Variants in TRIM33 observed in about 807,000 individuals in gnomAD.
TRIM33 encodes the protein tripartite motif containing 33.
Under a neutral mutation model 125.4 loss-of-function variants are expected in TRIM33, and 20 were observed. The observed-to-expected ratio is 0.16, with a 90% CI of 0.11 to 0.23. TRIM33 has a LOEUF of 0.23. Among genes scored for constraint, TRIM33 ranks in the 10% least tolerant of loss-of-function variants. TRIM33 has a pLI of 1.00. For synonymous variants in TRIM33, 564 were observed against 513.9 expected, an observed-to-expected ratio of 1.10 and a Z score of -1.32; for missense variants, 920 against 1,411.4, an observed-to-expected ratio of 0.65 and a Z score of 5.58.
rs377619646 is a variant in TRIM33, at chr1:114,462,437, T to C, written c.923+667A>G. On this transcript the variant is annotated intron_variant, in intron 4 of 19. Coordinates refer to ENST00000358465, the MANE Select transcript of TRIM33 (RefSeq NM_015906.4). ...CCCATCCAGCCATAAAAACTGTTGT[T>C]TGAAAAACACTTTGGAAAATTCTGG... Among the ~76,000 whole-genome samples, 6 of 152,324 alleles carry C rather than the reference T, an allele frequency of 3.9e-5. 1 individual carries two copies. Among genetic ancestry groups the C allele is most frequent in the African/African-American group, 1.4e-4 (6 of 41,576 alleles).
chr1:114,489,332 T>A (rs745405446), intron 1 of TRIM33, among the ~76,000 whole-genome samples: 4 of 152,172 alleles, frequency 2.6e-5, no homozygotes, highest in Non-Finnish European at 5.9e-5. Flanking sequence ...CCTAAAACTG[T>A]AAAGCTCTTA....
chr1:114,418,501 G>A (rs1653074055), intron 11 of TRIM33, among the ~76,000 whole-genome samples: 1 of 152,026 alleles, frequency 6.6e-6, no homozygotes, highest in East Asian at 1.9e-4. Flanking sequence ...TTAGTTTATG[G>A]TTTACATAAT....
intron 1 of TRIM33, among the ~76,000 whole-genome samples, chr1:114,478,992 T>G (rs1262220905): frequency 6.6e-6 from 1 of 152,208 alleles, no homozygotes; most frequent in African/African-American, 2.4e-5. Context: ...AGGTTTGCAG[T>G]GAGCCAAGGT....
intron 18 of TRIM33, 34 bp downstream of exon 18, chr1:114,399,423 A>G: frequency 6.4e-7 from 1 of 1,555,898 alleles, no homozygotes. Flanking sequence ...AAAAACTAAC[A>G]AATCAAGACT....
intron 5 of TRIM33, among the ~76,000 whole-genome samples, chr1:114,431,438 A>G (rs932057300): frequency 1.3e-5 from 2 of 152,226 alleles, no homozygotes; most frequent in Admixed American, 6.5e-5. Context: ...TGTATACAGT[A>G]AAGGGCATAA....
rs1483573367 is a variant in TRIM33 at position 114,397,353 on chromosome 1, G to C, written c.*295C>G. The stretch of plus-strand genomic sequence containing the variant: ...CAATAGCACACAATCATCAATATTT[G>C]CCATTTCTAACAATCAGAGAATCAT... On this transcript the variant is annotated 3_prime_UTR_variant, in exon 20 of 20. Transcript: ENST00000358465. 2.3e-6 allele frequency: 1 copy of C among 426,460 alleles called. No individual in the cohort carries two copies. The highest frequency in any genetic ancestry group is 4.0e-5 in the Admixed American group (1 of 24,750). The allele number at this position is 426,460 out of a possible 1,614,324, so 26.4% of individuals were successfully genotyped here.
At chr1:114,436,882 T>C (rs1572053953) in intron 4 of TRIM33, among the ~76,000 whole-genome samples, 1 of 152,320 alleles carries the variant, frequency 6.6e-6, no homozygotes, top group East Asian at 1.9e-4. Flanking sequence ...ATAAAAACTA[T>C]TACTATGTTA....
intron 4 of TRIM33, among the ~76,000 whole-genome samples, chr1:114,435,877 CTTTTTTTT>C (rs34327766): frequency 7.2e-4 from 53 of 73,336 alleles, no homozygotes; most frequent in African/African-American, 2.7e-3. Context: ...TAGACACCCG[CTTTTTTTT>C]TTTTTTTTTT....
intron 6 of TRIM33, among the ~76,000 whole-genome samples, 173 bp downstream of exon 6, chr1:114,430,625 C>A (rs561290632): frequency 1.7e-4 from 26 of 152,286 alleles, no homozygotes; most frequent in Middle Eastern, 3.4e-3. Context: ...AATTGGGCCG[C>A]AAAGTAACTA....
At chr1:114,407,219 G>A (rs2101100601) in intron 13 of TRIM33, 119 bp from the exon 14 acceptor site, 2 of 824,266 alleles carry the variant, frequency 2.4e-6, no homozygotes, top group South Asian at 3.9e-5. Context: ...CTTTACAGAA[G>A]ATAAGGATAC....
intron 10 of TRIM33, 110 bp from the exon 11 acceptor site, chr1:114,421,746 G>T: frequency 9.5e-7 from 1 of 1,049,202 alleles, no homozygotes; most frequent in African/African-American, 1.6e-5. Context: ...CAAAGAAGTG[G>T]GCCCTTTCAA....
intron 1 of TRIM33, among the ~76,000 whole-genome samples, chr1:114,471,777 T>G: frequency 6.6e-6 from 1 of 152,174 alleles, no homozygotes; most frequent in East Asian, 1.9e-4. Flanking sequence ...TCAAAACAAA[T>G]TATGCAATTT....
chr1:114,502,038 A>G (rs569763855), intron 1 of TRIM33, among the ~76,000 whole-genome samples: 20 of 152,334 alleles, frequency 1.3e-4, no homozygotes, highest in Non-Finnish European at 2.5e-4. Flanking sequence ...CCTGAGCCCA[A>G]TCTCTGAAGT....
intron 4 of TRIM33, among the ~76,000 whole-genome samples, chr1:114,449,597 A>G (rs2101295887): frequency 6.6e-6 from 1 of 152,308 alleles, no homozygotes; most frequent in Non-Finnish European, 1.5e-5. Context: ...TGGAAAAGAA[A>G]TTCTAGTTTC....
At chr1:114,477,105 T>A (rs933747271) in intron 1 of TRIM33, among the ~76,000 whole-genome samples, 2 of 152,170 alleles carry the variant, frequency 1.3e-5, no homozygotes, top group Admixed American at 1.3e-4. Flanking sequence ...AAGAATATTA[T>A]GATCAGTAAG....
intron 1 of TRIM33, among the ~76,000 whole-genome samples, chr1:114,510,112 G>A (rs1394287676): frequency 6.6e-6 from 1 of 151,788 alleles, no homozygotes; most frequent in East Asian, 1.9e-4. Context: ...CTGTGAACAC[G>A]CCAAGTCCCC....
intron 4 of TRIM33, among the ~76,000 whole-genome samples, chr1:114,461,313 T>TTA (rs1553216123): frequency 6.8e-5 from 10 of 146,698 alleles, no homozygotes; most frequent in South Asian, 2.1e-4. Context: ...ATTTTATATT[T>TTA]TATATATATA....
chr1:114,448,154 A>T lies in TRIM33; in HGVS notation c.924-14421T>A, dbSNP rs1199194930. 1.3e-5 allele frequency among the ~76,000 whole-genome samples: 2 copies of T among 152,258 alleles called. 1 individual carries two copies. Among genetic ancestry groups the T allele is most frequent in the African/African-American group, 4.8e-5 (2 of 41,470 alleles). On this transcript the variant is annotated intron_variant, in intron 4 of 19. Transcript: ENST00000358465. ...TAGCAGAAAGAAGGGCAAATTTCTG[A>T]AACAATGTCATTGGCTACATGAGAG...
chr1:114,485,241 G>A (rs529227043), intron 1 of TRIM33, among the ~76,000 whole-genome samples: 26 of 151,710 alleles, frequency 1.7e-4, no homozygotes, highest in East Asian at 1.2e-3. Flanking sequence ...TTCCACTGCT[G>A]GGATCTTAAA....
Sources: gnomAD v4.1 joint callset for allele counts (sites outside exome capture counted in the v4.1 genomes callset) on GRCh38, gnomAD v4.1.1 for gene constraint, MANE v1.5 for transcripts, NCBI Gene and HGNC (gene_info 2026-07-23, HGNC 2026-07-21) for gene names.